The following TP63 variants were observed in gnomAD, a reference collection of about 807,000 sequenced individuals.
TP63 encodes tumor protein p63.
A neutral mutation model predicts 82.8 loss-of-function variants in TP63; 17 were observed. The observed-to-expected ratio is 0.21, with a 90% CI of 0.14 to 0.31. The LOEUF is 0.31. Among genes scored for constraint, TP63 ranks in the 10% least tolerant of loss-of-function variants. TP63 has a pLI of 1.00. For missense variants in TP63, 648 were observed against 895.3 expected (o/e 0.72, Z 3.52); for synonymous variants, 330 against 321.7 (o/e 1.03, Z -0.28).
intron 4 of TP63, among the ~76,000 whole-genome samples, chr3:189,860,551 A>G (rs1420361176): frequency 3.9e-5 from 6 of 152,258 alleles, no homozygotes; most frequent in Non-Finnish European, 8.8e-5. Context: ...AAAGAAAAAA[A>G]AGCGATTGTG....
chr3:189,783,317 TAC>T (rs1724367353), intron 3 of TP63, among the ~76,000 whole-genome samples: 1 of 152,018 alleles, frequency 6.6e-6, no homozygotes, highest in South Asian at 2.1e-4. Context: ...TTAGTATGTG[TAC>T]ACCTGGTAAA....
intron 3 of TP63, among the ~76,000 whole-genome samples, chr3:189,779,375 C>A (rs1448297323): frequency 6.6e-6 from 1 of 152,094 alleles, no homozygotes; most frequent in African/African-American, 2.4e-5. Flanking sequence ...CTTGGTTGCA[C>A]CACTTTTTAA....
intron 3 of TP63, among the ~76,000 whole-genome samples, chr3:189,765,731 C>T (rs1320020698): frequency 6.6e-6 from 1 of 152,082 alleles, no homozygotes; most frequent in East Asian, 1.9e-4. Context: ...CCGCGCCCGG[C>T]CTGTCCTCTG....
At chr3:189,630,205 G>C (rs939549121), upstream of TP63, among the ~76,000 whole-genome samples, 2 of 152,148 alleles carry the variant, frequency 1.3e-5, no homozygotes, top group Admixed American at 1.3e-4. Flanking sequence ...GACATCTACT[G>C]ATGTCACCTA....
At chr3:189,742,378 A>T (rs531389090) in intron 3 of TP63, among the ~76,000 whole-genome samples, 20 of 151,700 alleles carry the variant, frequency 1.3e-4, no homozygotes, top group Middle Eastern at 3.4e-3. Flanking sequence ...TCCCAGATTG[A>T]TTGATGCTAA....
At chr3:189,714,803 T>A (rs949344077) in intron 1 of TP63, among the ~76,000 whole-genome samples, 1 of 152,144 alleles carries the variant, frequency 6.6e-6, no homozygotes, top group African/African-American at 2.4e-5. Context: ...CAGACATACA[T>A]GTACACATTC....
At chr3:189,752,178 A>C (rs938650841) in intron 3 of TP63, among the ~76,000 whole-genome samples, 2 of 151,808 alleles carry the variant, frequency 1.3e-5, no homozygotes, top group African/African-American at 4.8e-5. Context: ...TATTTATTTT[A>C]TCTATTTATT....
At chr3:189,781,295 T>G (rs1724211342) in intron 3 of TP63, among the ~76,000 whole-genome samples, 1 of 152,206 alleles carries the variant, frequency 6.6e-6, no homozygotes, top group South Asian at 2.1e-4. Context: ...AAAACGGGGT[T>G]CTTGGAGTGA....
intron 3 of TP63, among the ~76,000 whole-genome samples, chr3:189,758,622 A>C (rs1722356709): frequency 6.6e-6 from 1 of 152,176 alleles, no homozygotes; most frequent in South Asian, 2.1e-4. Flanking sequence ...GCTTTTTAAT[A>C]AACTTTCACT....
rs1302871830 is a variant in TP63, at chr3:189,872,950, A to G, written c.1304A>G (p.Tyr435Cys). ...CTTCCTCAGCACACAATTGAAACGT[A>G]CAGGCAACAGCAACAGCAGCAGCAC... ...QYLPQHTIET[Y>C]RQQQQQQHQH... Residue 435 changes from tyrosine (Y) to cysteine (C), a missense_variant, in exon 10 of 14, where the codon TAC becomes TGC. Tyr to Cys is a radical substitution (Grantham distance 194). Transcript: ENST00000264731. The G allele has an allele frequency of 6.2e-7, 1 of 1,614,182 alleles. No individual in the cohort carries two copies. Among genetic ancestry groups the G allele is most frequent in the Non-Finnish European group, 8.5e-7 (1 of 1,180,012 alleles).
At chr3:189,706,025 T>C (rs1312433366) in intron 1 of TP63, among the ~76,000 whole-genome samples, 1 of 152,218 alleles carries the variant, frequency 6.6e-6, no homozygotes, top group Non-Finnish European at 1.5e-5. Context: ...CTATGTCTAA[T>C]AAAGTGTGGA....
chr3:189,719,579 T>C (rs568145030), intron 1 of TP63, among the ~76,000 whole-genome samples: 1 of 152,308 alleles, frequency 6.6e-6, no homozygotes, highest in Admixed American at 6.5e-5. Flanking sequence ...TCAGATTGAA[T>C]ATTTTCAGCT....
At chr3:189,761,946 A>G (rs1031222256) in intron 3 of TP63, among the ~76,000 whole-genome samples, 6 of 152,134 alleles carry the variant, frequency 3.9e-5, no homozygotes, top group Non-Finnish European at 8.8e-5. Flanking sequence ...CTCATTCACT[A>G]TCACGAGAAC....
chr3:189,746,836 T>A (rs1721414410), intron 3 of TP63, among the ~76,000 whole-genome samples: 1 of 150,218 alleles, frequency 6.7e-6, no homozygotes, highest in Non-Finnish European at 1.5e-5. Context: ...CACACACACA[T>A]ATGAAACTCA....
At chr3:189,617,368 T>C in the TP63 span, among the ~76,000 whole-genome samples, 2 of 152,232 alleles carry the variant, frequency 1.3e-5, no homozygotes, top group Non-Finnish European at 2.9e-5. Context: ...CACATGAATG[T>C]GAACTGTTTC....
Position 189,886,429 on chromosome 3 carries a change from G to C in TP63, c.1385G>C (p.Ser462Thr). 3 of 1,614,028 alleles carry C rather than the reference G, an allele frequency of 1.9e-6. No individual in the cohort carries two copies. Among genetic ancestry groups the C allele is most frequent in the South Asian group, 2.2e-5 (2 of 91,070 alleles). ...SIQSPSSYGN[S>T]SPPLNKMNSM... is the part of the protein sequence containing the mutation. ...CAGTCTCCATCTTCATATGGTAACAGCTCCCCACCTCTGAACAAAATGAAC... is the reference window on the plus strand; with the variant it reads ...CAGTCTCCATCTTCATATGGTAACACCTCCCCACCTCTGAACAAAATGAAC... Residue 462 changes from serine (S) to threonine (T), a missense_variant, in exon 11 of 14, where the codon AGC becomes ACC. Around this residue, in one of 5 missense-constraint regions of TP63, gnomAD observed 342 missense variants for 425.7 expected, o/e 0.80. Coordinates refer to ENST00000264731, the MANE Select transcript of TP63 (RefSeq NM_003722.5).
chr3:189,843,479 A>G (rs1714440458), intron 4 of TP63, among the ~76,000 whole-genome samples: 1 of 152,230 alleles, frequency 6.6e-6, no homozygotes, highest in East Asian at 1.9e-4. Context: ...GCTTGGAGGA[A>G]GGATTTTTTT....
At chr3:189,657,011 T>C (rs929400010) in intron 1 of TP63, among the ~76,000 whole-genome samples, 2 of 81,154 alleles carry the variant, frequency 2.5e-5, no homozygotes, top group African/African-American at 7.3e-5. Flanking sequence ...AAAAATATTA[T>C]GAAGCATGCA....
At chr3:189,784,879 T>TA (rs767486897) in intron 3 of TP63, among the ~76,000 whole-genome samples, 3 of 152,046 alleles carry the variant, frequency 2.0e-5, no homozygotes, top group Non-Finnish European at 4.4e-5. Context: ...GAGAGGAAGG[T>TA]AAACACTTAA....
Sources: gnomAD v4.1 joint callset for allele counts (sites outside exome capture counted in the v4.1 genomes callset) on GRCh38, gnomAD v4.1.1 for gene constraint, gnomAD v4.1.1 regional missense constraint, MANE v1.5 for transcripts, NCBI Gene and HGNC (gene_info 2026-07-23, HGNC 2026-07-21) for gene names.